Variants in C1QTNF6 observed in about 807,000 individuals in gnomAD.
The protein encoded by C1QTNF6 is complement C1q tumor necrosis factor-related protein 6.
In C1QTNF6, 17 loss-of-function variants were observed where a neutral mutation model predicts 20.7. The ratio of observed to expected loss-of-function variants is 0.82; its 90% CI spans 0.56 to 1.23. The LOEUF is 1.23. C1QTNF6 is among the 50% of genes most tolerant of loss of function. C1QTNF6 has a pLI of 0.00. For synonymous variants in C1QTNF6, 130 were observed against 156.3 expected (o/e 0.83, Z 1.25); for missense variants, 329 against 389.7 (o/e 0.84, Z 1.31).
At position 37,184,790 on chromosome 22, in the gene C1QTNF6, C is replaced by T. The variant is rs1190625929; in HGVS notation, c.289+428G>A. Among the ~76,000 whole-genome samples the T allele has an allele frequency of 6.6e-6, 1 of 152,124 alleles. No homozygotes were observed. The highest frequency in any genetic ancestry group is 1.5e-5 in the Non-Finnish European group (1 of 68,010). On this transcript the variant is annotated intron_variant, in intron 2 of 2. Coordinates refer to ENST00000337843, the MANE Select transcript of C1QTNF6 (RefSeq NM_031910.4). This position sits in a 1 kb window ranked among gnomAD's most constrained non-coding sequence, Gnocchi z 4.0. ...GCATCTCCCGGCCCTGCCCCAGGGC[C>T]CCTGCACCAGCTGTGCCCTTTGCCA... is the stretch of plus-strand genomic sequence containing the variant.
chr22:37,191,477 T>G (rs1055504002), upstream of C1QTNF6, among the ~76,000 whole-genome samples: 31 of 152,144 alleles, frequency 2.0e-4, no homozygotes, highest in Non-Finnish European at 4.1e-4. Context: ...TTTTGGACTT[T>G]AGGGGACCTA....
At chr22:37,188,306 A>G (rs1924558057), upstream of C1QTNF6, 2 of 790,230 alleles carry the variant, frequency 2.5e-6, no homozygotes, top group South Asian at 2.0e-5. Context: ...GAGGGGATGG[A>G]GGGAGAGAGG....
intron 1 of C1QTNF6, chr22:37,185,846 G>A (rs116970104): frequency 6.0e-6 from 6 of 993,722 alleles, no homozygotes; most frequent in East Asian, 2.2e-4. Flanking sequence ...CCAGGAGACC[G>A]TCAGATGCTT....
At chr22:37,197,783 TG>T (rs1240999202), upstream of C1QTNF6, 1 of 152,252 alleles carries the variant, frequency 6.6e-6, no homozygotes, top group Non-Finnish European at 1.5e-5. Flanking sequence ...TTCCTCCATT[TG>T]TGCGTCATCC....
At chr22:37,188,270 C>A, upstream of C1QTNF6, 1 of 1,460,550 alleles carries the variant, frequency 6.8e-7, no homozygotes, top group Admixed American at 1.9e-5. Context: ...GCCCAGACCC[C>A]CAGGCCCAGC....
intron 1 of C1QTNF6, chr22:37,186,178 C>A: frequency 1.0e-6 from 1 of 976,790 alleles, no homozygotes; most frequent in African/African-American, 1.7e-5. Flanking sequence ...ATACTGGGTC[C>A]TTGACTGCAG....
chr22:37,183,776 G>T (rs1924011939), intron 2 of C1QTNF6, among the ~76,000 whole-genome samples: 2 of 152,250 alleles, frequency 1.3e-5, no homozygotes, highest in South Asian at 2.1e-4. Context: ...CACCTGCACA[G>T]CTCTAGACCT....
intron 1 of C1QTNF6, among the ~76,000 whole-genome samples, chr22:37,186,454 T>C (rs1170274337): frequency 1.3e-5 from 2 of 152,186 alleles, no homozygotes; most frequent in African/African-American, 4.8e-5. Context: ...ATCGTAGACC[T>C]GCCAATCAGA....
chr22:37,195,628 G>C (rs772426734), intron 1 of C1QTNF6: 1 of 152,192 alleles, frequency 6.6e-6, no homozygotes, highest in Non-Finnish European at 1.5e-5. Context: ...ACCCCTGAGC[G>C]CTGCTGGTTG....
chr22:37,197,353 G>T (rs562699960), intron 1 of C1QTNF6: 7 of 152,378 alleles, frequency 4.6e-5, no homozygotes, highest in Admixed American at 6.5e-5. Context: ...CACTGGAGAG[G>T]GAGACAGCTC....
chr22:37,190,694 AAAAGAAG>A (rs949404633), upstream of C1QTNF6: 4 of 144,358 alleles, frequency 2.8e-5, no homozygotes, highest in African/African-American at 5.1e-5. Flanking sequence ...CAAAAAAAAA[AAAAGAAG>A]AAAGAAGGAA....
chr22:37,188,417 C>T, upstream of C1QTNF6: 1 of 478,802 alleles, frequency 2.1e-6, no homozygotes. Context: ...TAAAGGGAGG[C>T]AGGGATTTCC....
upstream of C1QTNF6, among the ~76,000 whole-genome samples, chr22:37,192,789 T>C (rs1924898659): frequency 6.6e-6 from 1 of 152,196 alleles, no homozygotes; most frequent in Non-Finnish European, 1.5e-5. Context: ...CATATATAAA[T>C]ACACAGACAG....
At chr22:37,186,708 G>C (rs1293122671) in intron 1 of C1QTNF6, among the ~76,000 whole-genome samples, 1 of 152,206 alleles carries the variant, frequency 6.6e-6, no homozygotes, top group East Asian at 1.9e-4. Context: ...GGCTGGTGCC[G>C]AGTTATCACA....
chr22:37,184,434 C>T lies in C1QTNF6; in HGVS notation c.289+784G>A, dbSNP rs528090004. 45 of 717,138 alleles carry T rather than the reference C, an allele frequency of 6.3e-5. No homozygotes were observed. Among genetic ancestry groups the T allele is most frequent in the South Asian group, 5.8e-4 (39 of 67,580 alleles). The allele number at this position is 717,138 out of a possible 1,614,324, so 44.4% of individuals were successfully genotyped here. ...CCTGGAAGGGAAGCGAGTCCTTCCACGTCCTATTGAGAGAGCGGGTAGCCA... is the reference window on the plus strand; with the variant it reads ...CCTGGAAGGGAAGCGAGTCCTTCCATGTCCTATTGAGAGAGCGGGTAGCCA... On this transcript the variant is annotated intron_variant, in intron 2 of 2. Coordinates refer to ENST00000337843, the MANE Select transcript of C1QTNF6 (RefSeq NM_031910.4). This position sits in a 1 kb window ranked among gnomAD's most constrained non-coding sequence, Gnocchi z 4.0.
upstream of C1QTNF6, chr22:37,188,283 A>AGGAGGGAGAGAGGAGGGGAT (rs535685845): frequency 0.021 from 24,388 of 1,152,842 alleles, 1,446 homozygotes; most frequent in South Asian, 0.045. Flanking sequence ...GGCCCAGCAG[A>AGGAGGGAGAGAGGAGGGGAT]GGAGGGAGAG....
At chr22:37,196,794 G>A (rs1158047667) in intron 1 of C1QTNF6, 1 of 152,266 alleles carries the variant, frequency 6.6e-6, no homozygotes, top group Admixed American at 6.5e-5. Flanking sequence ...GGGGCTTCAG[G>A]TGCTAAATCC....
At chr22:37,186,430 T>C (rs537794998) in intron 1 of C1QTNF6, among the ~76,000 whole-genome samples, 8 of 152,294 alleles carry the variant, frequency 5.3e-5, no homozygotes, top group East Asian at 1.9e-4. Flanking sequence ...CATTGGAAGA[T>C]GGTTGTGTCA....
chr22:37,189,457 G>A (rs377397936), upstream of C1QTNF6, among the ~76,000 whole-genome samples: 30 of 152,112 alleles, frequency 2.0e-4, no homozygotes, highest in African/African-American at 7.0e-4. Flanking sequence ...AGATGGAGTT[G>A]CCCTATTTTG....
Sources: allele counts gnomAD v4.1 joint callset (sites outside exome capture counted in the v4.1 genomes callset), GRCh38; gene constraint gnomAD v4.1.1; non-coding constraint Gnocchi (gnomAD v3.1); transcripts MANE v1.5; gene names NCBI Gene and HGNC (gene_info 2026-07-23, HGNC 2026-07-21).